SHISA9: variants seen among roughly 807,000 people sequenced by gnomAD.
SHISA9 encodes shisa family member 9, also known as protein shisa-9.
Under a neutral mutation model 38.0 loss-of-function variants are expected in SHISA9, and 13 were observed. The ratio of observed to expected loss-of-function variants is 0.34; its 90% confidence interval spans 0.22 to 0.54. SHISA9 has a LOEUF of 0.54. Among genes scored for constraint, SHISA9 ranks in the 20% least tolerant of loss-of-function variants. The pLI, the probability that SHISA9 is intolerant of heterozygous loss-of-function variation, is 0.91. For missense variants in SHISA9, 538 were observed against 575.8 expected, an observed-to-expected ratio of 0.93 and a Z score of 0.67; for synonymous variants, 275 against 242.0, an observed-to-expected ratio of 1.14 and a Z score of -1.27.
chr16:13,424,148 T>C, the SHISA9 span, among the ~76,000 whole-genome samples: 4,285 of 152,346 alleles, frequency 0.028, 98 homozygotes, highest in Non-Finnish European at 0.047. Context: ...GCAGGAATTG[T>C]GGAGGGTCTC....
chr16:12,957,136 T>A (rs935698294), intron 2 of SHISA9, among the ~76,000 whole-genome samples: 1 of 152,320 alleles, frequency 6.6e-6, no homozygotes, highest in East Asian at 1.9e-4. Context: ...TATTAATAAA[T>A]GCTGCTTTGT....
chr16:13,088,274 C>A (rs533184646), intron 2 of SHISA9, among the ~76,000 whole-genome samples: 1 of 152,098 alleles, frequency 6.6e-6, no homozygotes, highest in African/African-American at 2.4e-5. Flanking sequence ...CAGCTTTGTT[C>A]TTTTTGCTTA....
chr16:12,924,349 G>A (rs911966179), intron 2 of SHISA9, among the ~76,000 whole-genome samples: 4 of 152,154 alleles, frequency 2.6e-5, no homozygotes, highest in African/African-American at 7.2e-5. Context: ...TTGAATGAAT[G>A]AATATATGAA....
chr16:12,972,642 G>A lies in SHISA9; in HGVS notation c.691+55827G>A, dbSNP rs767918021. Reference sequence around the variant, plus strand: ...TGACTGTTGGACCATTGACATGCGGGTAATGCAACTGAGAAACTGAATTCT... The same window carrying A: ...TGACTGTTGGACCATTGACATGCGGATAATGCAACTGAGAAACTGAATTCT... On this transcript the variant is annotated intron_variant, in intron 2 of 4. Transcript: ENST00000558583. Among the ~76,000 whole-genome samples, 20 of 151,768 alleles carry A rather than the reference G, an allele frequency of 1.3e-4. 1 individual carries two copies. The highest frequency in any genetic ancestry group is 8.4e-4 in the South Asian group (4 of 4,776).
intron 2 of SHISA9, among the ~76,000 whole-genome samples, chr16:12,922,091 A>G (rs1449772507): frequency 6.6e-6 from 1 of 152,212 alleles, no homozygotes; most frequent in Non-Finnish European, 1.5e-5. Flanking sequence ...GATTATAACC[A>G]CTACATTCTA....
the SHISA9 span, among the ~76,000 whole-genome samples, chr16:13,306,598 T>C: frequency 6.6e-6 from 1 of 152,182 alleles, no homozygotes; most frequent in African/African-American, 2.4e-5. Context: ...GCTAAAGGCT[T>C]GACTGGGGCT....
At chr16:13,495,027 A>G in the SHISA9 span, among the ~76,000 whole-genome samples, 16 of 152,218 alleles carry the variant, frequency 1.1e-4, no homozygotes, top group Admixed American at 2.0e-4. Flanking sequence ...GAAACGACAA[A>G]GCTATACAGA....
chr16:13,069,229 A>G (rs28401748), intron 2 of SHISA9, among the ~76,000 whole-genome samples: 2 of 151,936 alleles, frequency 1.3e-5, no homozygotes, highest in African/African-American at 4.8e-5. Flanking sequence ...GTATGTATGC[A>G]TGTATATATG....
intron 2 of SHISA9, among the ~76,000 whole-genome samples, chr16:12,941,152 G>T (rs1244314412): frequency 6.6e-6 from 1 of 152,072 alleles, no homozygotes; most frequent in East Asian, 1.9e-4. Flanking sequence ...AGGAGTTAGA[G>T]ACCAGCCTGG....
At chr16:13,161,590 C>G (rs1030068940) in intron 2 of SHISA9, among the ~76,000 whole-genome samples, 1 of 152,174 alleles carries the variant, frequency 6.6e-6, no homozygotes, top group Admixed American at 6.5e-5. Flanking sequence ...TCCCCTCCTA[C>G]GTTGGTCCAG....
chr16:13,278,707 G>A, the SHISA9 span, among the ~76,000 whole-genome samples: 1 of 151,988 alleles, frequency 6.6e-6, no homozygotes, highest in Non-Finnish European at 1.5e-5. Context: ...GCACATAAAG[G>A]TGTTCATAGT....
chr16:13,381,266 G>T, the SHISA9 span, among the ~76,000 whole-genome samples: 3 of 152,172 alleles, frequency 2.0e-5, no homozygotes, highest in African/African-American at 7.2e-5. Context: ...ATTAGAGATA[G>T]AAATAAAGGG....
the SHISA9 span, among the ~76,000 whole-genome samples, chr16:13,509,229 A>C: frequency 6.6e-6 from 1 of 152,040 alleles, no homozygotes; most frequent in Non-Finnish European, 1.5e-5. Context: ...AATAATTATG[A>C]CAATTCCGGC....
the SHISA9 span, among the ~76,000 whole-genome samples, chr16:13,519,641 G>T: frequency 2.0e-5 from 3 of 152,290 alleles, no homozygotes; most frequent in African/African-American, 7.2e-5. Flanking sequence ...AAAGGAAAGA[G>T]ATTTAATTGA....
chr16:13,346,648 A>G, the SHISA9 span, among the ~76,000 whole-genome samples: 2,077 of 152,294 alleles, frequency 0.014, 23 homozygotes, highest in Middle Eastern at 0.037. Context: ...TTGTATTTGT[A>G]TAATTTTTTC....
chr16:13,180,844 G>A (rs915769427), intron 2 of SHISA9, among the ~76,000 whole-genome samples: 3 of 152,182 alleles, frequency 2.0e-5, no homozygotes, highest in Non-Finnish European at 2.9e-5. Flanking sequence ...GGAAATTGAT[G>A]TGGGGGACAG....
chr16:13,019,917 T>A (rs1314632539), intron 2 of SHISA9, among the ~76,000 whole-genome samples: 1 of 84,374 alleles, frequency 1.2e-5, no homozygotes, highest in Non-Finnish European at 2.7e-5. Context: ...CTTTCTTTCT[T>A]TCTTTCTTTC....
At chr16:13,304,651 A>C in the SHISA9 span, among the ~76,000 whole-genome samples, 1 of 152,194 alleles carries the variant, frequency 6.6e-6, no homozygotes, top group African/African-American at 2.4e-5. Flanking sequence ...TGTTGTTTTG[A>C]GGTCTAAGAG....
At chr16:13,076,378 T>G (rs984108467) in intron 2 of SHISA9, among the ~76,000 whole-genome samples, 1 of 152,158 alleles carries the variant, frequency 6.6e-6, no homozygotes, top group African/African-American at 2.4e-5. Flanking sequence ...CCTCTGCAAA[T>G]ATTCTAAATC....
Sources: gnomAD v4.1 joint callset for allele counts (sites outside exome capture counted in the v4.1 genomes callset) on GRCh38, gnomAD v4.1.1 for gene constraint, MANE v1.5 for transcripts, NCBI Gene and HGNC (gene_info 2026-07-23, HGNC 2026-07-21) for gene names.